NLN: variants seen among roughly 807,000 people sequenced by gnomAD.
The protein encoded by NLN is neurolysin, mitochondrial.
A neutral mutation model predicts 79.9 loss-of-function variants in NLN; 64 were observed. The ratio of observed to expected loss-of-function variants is 0.80; its 90% CI spans 0.65 to 0.99. The LOEUF (loss-of-function observed/expected upper bound fraction) is 0.99. NLN is among the 50% of genes least tolerant of loss of function. The probability of loss-of-function intolerance (pLI) is 0.00; values close to 1 mark genes in which losing one functional copy is unlikely to be tolerated. For missense variants in NLN, 835 were observed against 858.7 expected, an observed-to-expected ratio of 0.97 and a Z score of 0.34; for synonymous variants, 267 against 296.6, an observed-to-expected ratio of 0.90 and a Z score of 1.02.
intron 9 of NLN, among the ~76,000 whole-genome samples, chr5:65,797,539 T>C (rs1348893310): frequency 6.6e-6 from 1 of 152,226 alleles, no homozygotes; most frequent in Non-Finnish European, 1.5e-5. Flanking sequence ...CCTGGCTGTA[T>C]GACTTGGGGA....
chr5:65,744,525 A>G (rs1213421282), intron 1 of NLN, among the ~76,000 whole-genome samples: 5 of 149,128 alleles, frequency 3.4e-5, no homozygotes, highest in Non-Finnish European at 7.4e-5. Context: ...TCCAGATGAT[A>G]GATGATAGTA....
intron 3 of NLN, among the ~76,000 whole-genome samples, chr5:65,774,907 T>A (rs1303382877): frequency 4.0e-5 from 6 of 151,830 alleles, no homozygotes; most frequent in Non-Finnish European, 7.4e-5. Flanking sequence ...GTATTTTTAG[T>A]AGAGACGGGG....
intron 11 of NLN, among the ~76,000 whole-genome samples, chr5:65,811,551 C>T (rs1760545288): frequency 6.6e-6 from 1 of 152,224 alleles, no homozygotes; most frequent in Middle Eastern, 3.4e-3. Context: ...GGCACGGTGA[C>T]TCACGCCTGT....
Position 65,785,759 on chromosome 5 carries a change from T to A in NLN, c.823-16T>A. ...TATTGATTAGCCTTTATTTTGTTGCTGTTGTTTATTACTAGGAAAACACCA... is the reference window on the plus strand; with the variant it reads ...TATTGATTAGCCTTTATTTTGTTGCAGTTGTTTATTACTAGGAAAACACCA... On this transcript the variant is annotated splice_polypyrimidine_tract_variant and intron_variant, in intron 6 of 12. Coordinates refer to ENST00000380985, the MANE Select transcript of NLN (RefSeq NM_020726.5). 1 of 1,610,758 alleles carries A rather than the reference T, an allele frequency of 6.2e-7. No individual in the cohort carries two copies. The highest frequency in any genetic ancestry group is 8.5e-7 in the Non-Finnish European group (1 of 1,177,142).
At position 65,826,365 on chromosome 5, in the gene NLN, T is replaced by C. The variant is rs1193562143; in HGVS notation, c.*3450T>C. ...CCCCATCACATTGGCTGTTACGGCT[T>C]CAATGTAGGGGATGGGGCACAAACA... On this transcript the variant is annotated 3_prime_UTR_variant, in exon 13 of 13. Coordinates refer to ENST00000380985, the MANE Select transcript of NLN (RefSeq NM_020726.5). 6.6e-6 allele frequency: 1 copy of C among 152,176 alleles called. No homozygotes were observed. Among genetic ancestry groups the C allele is most frequent in the Non-Finnish European group, 1.5e-5 (1 of 68,038 alleles). The allele number at this position is 152,176 out of a possible 1,614,324, so 9.4% of individuals were successfully genotyped here. A position where few individuals can be genotyped will look rare whatever the true frequency, so the allele number is the denominator to read the frequency against.
rs1326404695 is a variant in NLN, at chr5:65,792,856, T to G, written c.1527+201T>G. On this transcript the variant is annotated intron_variant, in intron 9 of 12. Transcript: ENST00000380985. Reference sequence around the variant, plus strand: ...TTTTACTTGGAGGTTCATCTACCAGTGAAAGATGTTTGTTGAATAACAGCC... The same window carrying G: ...TTTTACTTGGAGGTTCATCTACCAGGGAAAGATGTTTGTTGAATAACAGCC... 4 of 641,106 alleles carry G rather than the reference T, an allele frequency of 6.2e-6. No individual in the cohort carries two copies. The East Asian group carries it at 1.3e-4, about 21-fold the overall frequency. The allele number at this position is 641,106 out of a possible 1,614,324, so 39.7% of individuals were successfully genotyped here.
At chr5:65,781,897 C>T (rs1006620329) in intron 6 of NLN, among the ~76,000 whole-genome samples, 14 of 152,164 alleles carry the variant, frequency 9.2e-5, no homozygotes, top group African/African-American at 3.4e-4. Flanking sequence ...CTGGGTGATA[C>T]AGTTCTTCCT....
At chr5:65,738,932 A>G (rs1436433594) in intron 1 of NLN, among the ~76,000 whole-genome samples, 5 of 95,656 alleles carry the variant, frequency 5.2e-5, no homozygotes, top group South Asian at 2.8e-4. Context: ...ATGTGTGTAT[A>G]TATATTTTTT....
At chr5:65,800,070 T>C (rs986059058) in intron 9 of NLN, among the ~76,000 whole-genome samples, 8 of 152,230 alleles carry the variant, frequency 5.3e-5, no homozygotes, top group Non-Finnish European at 1.2e-4. Context: ...GCCTGTCCTT[T>C]TTCATGAGCA....
chr5:65,747,176 G>C (rs1758999583), intron 1 of NLN, among the ~76,000 whole-genome samples: 1 of 152,074 alleles, frequency 6.6e-6, no homozygotes, highest in South Asian at 2.1e-4. Context: ...ATGCAGCTAT[G>C]TTCGTAGGAG....
intron 7 of NLN, among the ~76,000 whole-genome samples, chr5:65,787,347 T>C (rs1223292481): frequency 6.6e-6 from 1 of 152,110 alleles, no homozygotes; most frequent in African/African-American, 2.4e-5. Flanking sequence ...AAACTATATC[T>C]TTGTATCCTC....
At chr5:65,743,148 G>A (rs1471375929) in intron 1 of NLN, among the ~76,000 whole-genome samples, 1 of 152,130 alleles carries the variant, frequency 6.6e-6, no homozygotes, top group Non-Finnish European at 1.5e-5. Flanking sequence ...AAGCAGATCA[G>A]TCAGCCTTGC....
intron 3 of NLN, among the ~76,000 whole-genome samples, chr5:65,773,591 T>G (rs190345635): frequency 6.6e-6 from 1 of 150,924 alleles, no homozygotes; most frequent in Non-Finnish European, 1.5e-5. Context: ...AAAGTTCTTG[T>G]GAAGAAAAAG....
intron 2 of NLN, among the ~76,000 whole-genome samples, chr5:65,761,085 A>G (rs1271535683): frequency 6.6e-6 from 1 of 152,134 alleles, no homozygotes; most frequent in Non-Finnish European, 1.5e-5. Flanking sequence ...ACTGGGCGTC[A>G]GCATTGTCTA....
chr5:65,771,429 G>T (rs1237785149), intron 3 of NLN, among the ~76,000 whole-genome samples: 1 of 152,188 alleles, frequency 6.6e-6, no homozygotes, highest in African/African-American at 2.4e-5. Context: ...TTCTATTCCA[G>T]TGGCCTGCTA....
chr5:65,729,820 A>G (rs1030205866), intron 1 of NLN, among the ~76,000 whole-genome samples: 4 of 152,254 alleles, frequency 2.6e-5, no homozygotes, highest in Admixed American at 2.0e-4. Flanking sequence ...TGAATTAAAG[A>G]TATGAAGAAC....
At chr5:65,745,069 A>G (rs1026890495) in intron 1 of NLN, among the ~76,000 whole-genome samples, 4 of 152,204 alleles carry the variant, frequency 2.6e-5, no homozygotes, top group Non-Finnish European at 4.4e-5. Context: ...GAGGGCAGCC[A>G]TCCAGGTCTT....
intron 3 of NLN, among the ~76,000 whole-genome samples, chr5:65,774,729 A>ATATT (rs1243012098): frequency 7.4e-6 from 1 of 135,592 alleles, no homozygotes; most frequent in African/African-American, 2.7e-5. Flanking sequence ...ATATATATAT[A>ATATT]TTTTTTTTTT....
intron 9 of NLN, among the ~76,000 whole-genome samples, chr5:65,805,631 G>A (rs1005785022): frequency 6.6e-6 from 1 of 152,218 alleles, no homozygotes; most frequent in African/African-American, 2.4e-5. Context: ...TGGTTCATGA[G>A]TTTTAAAGAA....
Sources: allele counts gnomAD v4.1 joint callset (sites outside exome capture counted in the v4.1 genomes callset), GRCh38; gene constraint gnomAD v4.1.1; transcripts MANE v1.5; gene names NCBI Gene and HGNC (gene_info 2026-07-23, HGNC 2026-07-21).